The following FIGN variants were observed in gnomAD, a reference collection of about 807,000 sequenced individuals.
The protein encoded by FIGN is fidgetin, microtubule severing factor.
In FIGN, 11 loss-of-function variants were observed where a neutral mutation model predicts 51.3. The ratio of observed to expected loss-of-function variants is 0.21; its 90% CI spans 0.13 to 0.35. The LOEUF (loss-of-function observed/expected upper bound fraction) is 0.35, where lower values mean the gene tolerates loss of function less well. Ranked by LOEUF, FIGN falls within the 10% of genes least tolerant of loss-of-function variation. FIGN has a pLI of 1.00. For synonymous variants in FIGN, 407 were observed against 363.2 expected (o/e 1.12, Z -1.37); for missense variants, 857 against 943.6 (o/e 0.91, Z 1.20).
Position 163,713,164 on chromosome 2 carries a change from C to T in FIGN, c.25+21739G>A, listed in dbSNP as rs552045914. On this transcript the variant is annotated intron_variant, in intron 2 of 2. Coordinates refer to ENST00000333129, the MANE Select transcript of FIGN (RefSeq NM_018086.4). ...AATTCAGTAAAATATAAAACTGTTA[C>T]ACCAATTTTGCAAATCTCTGTTTTG... 1.3e-4 allele frequency among the ~76,000 whole-genome samples: 20 copies of T among 152,262 alleles called. No individual in the cohort carries two copies. The South Asian group carries it at 3.9e-3, about 30-fold the overall frequency.
At chr2:163,669,019 T>TAC (rs1683832442) in intron 2 of FIGN, among the ~76,000 whole-genome samples, 1 of 147,886 alleles carries the variant, frequency 6.8e-6, no homozygotes, top group Non-Finnish European at 1.5e-5. Flanking sequence ...AAAAGGAATA[T>TAC]ATATATATAT....
chr2:163,650,333 CATAAT>C (rs1326570405), intron 2 of FIGN, among the ~76,000 whole-genome samples: 1 of 151,398 alleles, frequency 6.6e-6, no homozygotes, highest in South Asian at 2.1e-4. Context: ...ATATTTAACA[CATAAT>C]ATATATACTA....
At position 163,609,826 on chromosome 2, in the gene FIGN, T is replaced by C. The variant is rs763234059; in HGVS notation, c.2006A>G (p.His669Arg). The C allele has an allele frequency of 7.4e-6, 12 of 1,614,176 alleles. No individual in the cohort carries two copies. Among genetic ancestry groups the C allele is most frequent in the Non-Finnish European group, 5.9e-6 (7 of 1,180,022 alleles). ...CTCCTTGTCATTGAGACAGTAATTGTGCTGTGAGAGCAGTTGTACTATTAT... is the reference window on the plus strand; with the variant it reads ...CTCCTTGTCATTGAGACAGTAATTGCGCTGTGAGAGCAGTTGTACTATTAT... ...HQIIVQLLSQ[H>R]NYCLNDKEFA... Residue 669 changes from histidine (H) to arginine (R), a missense_variant, in exon 3 of 3, where the codon CAC becomes CGC. Around this residue, in one of 3 missense-constraint regions of FIGN, gnomAD observed 799 missense variants for 849.5 expected, o/e 0.94. Coordinates refer to ENST00000333129, the MANE Select transcript of FIGN (RefSeq NM_018086.4).
chr2:163,694,138 T>G (rs1377657098), intron 2 of FIGN, among the ~76,000 whole-genome samples: 1 of 152,158 alleles, frequency 6.6e-6, no homozygotes, highest in Non-Finnish European at 1.5e-5. Flanking sequence ...TTTATTCTGA[T>G]AGTGGAAGGA....
intron 2 of FIGN, among the ~76,000 whole-genome samples, chr2:163,624,878 A>C (rs2105307381): frequency 6.6e-6 from 1 of 152,036 alleles, no homozygotes; most frequent in South Asian, 2.1e-4. Context: ...CTTTAGCGTG[A>C]ATGTAATGTG....
At chr2:163,640,031 T>C (rs1683284657) in intron 2 of FIGN, among the ~76,000 whole-genome samples, 1 of 152,184 alleles carries the variant, frequency 6.6e-6, no homozygotes, top group South Asian at 2.1e-4. Flanking sequence ...AAACATTTCA[T>C]ATGAGGCTGG....
intron 2 of FIGN, among the ~76,000 whole-genome samples, chr2:163,612,825 G>C (rs942452040): frequency 6.0e-5 from 9 of 151,102 alleles, no homozygotes; most frequent in Admixed American, 6.6e-5. Context: ...AGGGGAAAGG[G>C]AAGATAAGAA....
intron 2 of FIGN, among the ~76,000 whole-genome samples, chr2:163,644,345 A>G (rs763458762): frequency 1.3e-5 from 2 of 152,218 alleles, no homozygotes; most frequent in Non-Finnish European, 2.9e-5. Context: ...GGACAACCTT[A>G]GTCATCATGA....
At chr2:163,720,308 G>T (rs1358228960) in intron 2 of FIGN, among the ~76,000 whole-genome samples, 2 of 152,162 alleles carry the variant, frequency 1.3e-5, no homozygotes, top group Non-Finnish European at 2.9e-5. Context: ...AAGGACATAT[G>T]CATGACTAAA....
intron 2 of FIGN, among the ~76,000 whole-genome samples, chr2:163,642,418 C>T (rs975396599): frequency 4.6e-5 from 7 of 152,230 alleles, no homozygotes; most frequent in African/African-American, 1.7e-4. Context: ...TGATGATCTG[C>T]TTCCTCATCT....
At chr2:163,631,273 T>C (rs1323647603) in intron 2 of FIGN, among the ~76,000 whole-genome samples, 1 of 152,204 alleles carries the variant, frequency 6.6e-6, no homozygotes, top group African/African-American at 2.4e-5. Flanking sequence ...CTACTATATA[T>C]CATGTGATAC....
chr2:163,712,713 T>C (rs1276164928), intron 2 of FIGN, among the ~76,000 whole-genome samples: 1 of 152,180 alleles, frequency 6.6e-6, no homozygotes, highest in Non-Finnish European at 1.5e-5. Context: ...TAAATTTTCA[T>C]GTTGCCAACA....
chr2:163,645,647 G>A (rs1234058596), intron 2 of FIGN, among the ~76,000 whole-genome samples: 2 of 152,104 alleles, frequency 1.3e-5, no homozygotes, highest in South Asian at 2.1e-4. Context: ...TCCTGACAGT[G>A]GTTATGTTTG....
intron 2 of FIGN, among the ~76,000 whole-genome samples, chr2:163,697,411 G>T (rs1469086419): frequency 6.6e-6 from 1 of 152,020 alleles, no homozygotes; most frequent in Non-Finnish European, 1.5e-5. Flanking sequence ...TCTGTGTCAT[G>T]ATTACTTATG....
chr2:163,691,715 A>G (rs1052795658), intron 2 of FIGN, among the ~76,000 whole-genome samples: 1 of 152,174 alleles, frequency 6.6e-6, no homozygotes, highest in African/African-American at 2.4e-5. Context: ...ATTAGTGGCA[A>G]TCAACTTTCT....
chr2:163,687,570 G>T (rs1684169782), intron 2 of FIGN, among the ~76,000 whole-genome samples: 1 of 152,138 alleles, frequency 6.6e-6, no homozygotes, highest in African/African-American at 2.4e-5. Context: ...TCACATGAAA[G>T]AATTACTCTT....
chr2:163,679,528 C>T (rs974094437), intron 2 of FIGN, among the ~76,000 whole-genome samples: 3 of 151,890 alleles, frequency 2.0e-5, no homozygotes, highest in Non-Finnish European at 2.9e-5. Context: ...TTTGAGCTAA[C>T]TGTGGATCCT....
intron 2 of FIGN, among the ~76,000 whole-genome samples, chr2:163,712,868 T>C (rs1573967037): frequency 6.6e-6 from 1 of 152,218 alleles, no homozygotes; most frequent in African/African-American, 2.4e-5. Flanking sequence ...GATTATTTAA[T>C]AACCATTAAA....
chr2:163,685,034 T>C (rs1354877894), intron 2 of FIGN, among the ~76,000 whole-genome samples: 1 of 151,328 alleles, frequency 6.6e-6, no homozygotes, highest in Non-Finnish European at 1.5e-5. Context: ...ATTCACCCGC[T>C]TCAGCCTCCC....
Sources: gnomAD v4.1 joint callset for allele counts (sites outside exome capture counted in the v4.1 genomes callset) on GRCh38, gnomAD v4.1.1 for gene constraint, gnomAD v4.1.1 regional missense constraint, MANE v1.5 for transcripts, NCBI Gene and HGNC (gene_info 2026-07-23, HGNC 2026-07-21) for gene names.